AIG1: variants seen among roughly 807,000 people sequenced by gnomAD.
AIG1 encodes androgen induced 1.
A neutral mutation model predicts 31.4 loss-of-function variants in AIG1; 23 were observed. The ratio of observed to expected loss-of-function variants is 0.73; its 90% CI spans 0.53 to 1.04. The LOEUF (loss-of-function observed/expected upper bound fraction) is 1.04. Among genes scored for constraint, AIG1 ranks in the 50% least tolerant of loss-of-function variants. AIG1 has a pLI of 0.00. For synonymous variants in AIG1, 100 were observed against 110.5 expected (o/e 0.90, Z 0.60); for missense variants, 274 against 295.0 (o/e 0.93, Z 0.52).
chr6:143,164,026 C>G (rs990342634), intron 2 of AIG1, among the ~76,000 whole-genome samples: 3 of 152,094 alleles, frequency 2.0e-5, no homozygotes, highest in Non-Finnish European at 4.4e-5. Flanking sequence ...TGCATTCTGG[C>G]CTTTTCTTCC....
At chr6:143,259,381 T>G (rs548752815) in intron 3 of AIG1, among the ~76,000 whole-genome samples, 2 of 152,288 alleles carry the variant, frequency 1.3e-5, no homozygotes, top group East Asian at 1.9e-4. Context: ...TTTCTTCCCC[T>G]TGTCTTCCCT....
At chr6:143,164,833 C>A (rs1786764364) in intron 2 of AIG1, 1 of 354,116 alleles carries the variant, frequency 2.8e-6, no homozygotes, top group African/African-American at 2.1e-5. Flanking sequence ...CCTCTTCTCT[C>A]TCCCTCAGAA....
At chr6:143,140,207 C>T (rs969709210) in intron 2 of AIG1, among the ~76,000 whole-genome samples, 9 of 152,126 alleles carry the variant, frequency 5.9e-5, no homozygotes, top group African/African-American at 1.2e-4. Flanking sequence ...GGGAAAAACT[C>T]GCCCCCATGA....
intron 1 of AIG1, among the ~76,000 whole-genome samples, chr6:143,066,368 G>T (rs1776713058): frequency 1.3e-5 from 2 of 151,946 alleles, no homozygotes; most frequent in South Asian, 4.2e-4. Context: ...CGCCTCCCAG[G>T]TTCAAGAAAT....
chr6:143,283,782 G>T (rs974400785), intron 3 of AIG1, among the ~76,000 whole-genome samples: 1 of 152,138 alleles, frequency 6.6e-6, no homozygotes, highest in Non-Finnish European at 1.5e-5. Context: ...AAAATGGGAC[G>T]TACACCAAAA....
intron 3 of AIG1, among the ~76,000 whole-genome samples, chr6:143,262,267 A>C (rs1390898272): frequency 6.6e-6 from 1 of 152,208 alleles, no homozygotes; most frequent in African/African-American, 2.4e-5. Context: ...AATATTAAAT[A>C]CTTCATGTTG....
rs974538799 is a variant in AIG1 at position 143,331,974 on chromosome 6, T to A, written c.516-1308T>A. Among the ~76,000 whole-genome samples, 1 of 151,696 alleles carries A rather than the reference T, an allele frequency of 6.6e-6. No homozygotes were observed. The highest frequency in any genetic ancestry group is 3.4e-3 in the Middle Eastern group (1 of 294). ...GCAACCTCTGCCTCCCAGGGTCAAGTGATGCTTGTGCCTCAGCCTCCCGAG... is the reference window on the plus strand; with the variant it reads ...GCAACCTCTGCCTCCCAGGGTCAAGAGATGCTTGTGCCTCAGCCTCCCGAG... On this transcript the variant is annotated intron_variant, in intron 4 of 5. Transcript: ENST00000357847. The surrounding 1 kb of genome is among the most constrained non-coding windows in gnomAD (Gnocchi z 4.1).
At chr6:143,125,832 A>G (rs1184910387) in intron 1 of AIG1, among the ~76,000 whole-genome samples, 1 of 152,200 alleles carries the variant, frequency 6.6e-6, no homozygotes, top group Non-Finnish European at 1.5e-5. Context: ...TATGTACATT[A>G]TTTCTGACTG....
At chr6:143,182,457 A>G (rs1788819689) in intron 3 of AIG1, among the ~76,000 whole-genome samples, 1 of 152,160 alleles carries the variant, frequency 6.6e-6, no homozygotes, top group Non-Finnish European at 1.5e-5. Context: ...CACCCCAGGT[A>G]CACTTCTCTT....
At position 143,333,407 on chromosome 6, in the gene AIG1, G is replaced by A. The variant is rs1226766384; in HGVS notation, c.641G>A (p.Gly214Glu). The A allele has an allele frequency of 6.2e-7, 1 of 1,613,488 alleles. No homozygotes were observed. The highest frequency in any genetic ancestry group is 8.5e-7 in the Non-Finnish European group (1 of 1,179,858). ...TILMNFLYLL[G>E]EVLNNYIWDT... ...TTAATGAACTTCCTGTACCTGCTGG[G>A]AGAAGTTCTGAACAACTATATCTGG... is the stretch of plus-strand genomic sequence containing the variant. The change falls in exon 5 of 6, where the codon GGA becomes GAA. Residue 214 changes from glycine (G) to glutamate (E), a missense_variant. Coordinates refer to ENST00000357847, the MANE Select transcript of AIG1 (RefSeq NM_016108.4). This position sits in a 1 kb window ranked among gnomAD's most constrained non-coding sequence, Gnocchi z 4.6.
At position 143,187,794 on chromosome 6, in the gene AIG1, G is replaced by A. The variant is rs1028979790; in HGVS notation, c.399+22611G>A. On this transcript the variant is annotated intron_variant, in intron 3 of 5. Coordinates refer to ENST00000357847, the MANE Select transcript of AIG1 (RefSeq NM_016108.4). ...GGACATTTGGAAATGACCTTGAAGC[G>A]AAGTTTTGCCAAGTTGATGAAATAC... is the stretch of plus-strand genomic sequence containing the variant. The A allele has an allele frequency of 3.3e-5, 49 of 1,502,056 alleles. 1 individual carries two copies. The highest frequency in any genetic ancestry group is 3.8e-5 in the South Asian group (3 of 78,652). The allele number at this position is 1,502,056 out of a possible 1,614,324, so 93.0% of individuals were successfully genotyped here. A position where few individuals can be genotyped will look rare whatever the true frequency, so the allele number is the denominator to read the frequency against.
chr6:143,303,438 A>C (rs1204312700), intron 4 of AIG1, among the ~76,000 whole-genome samples: 3 of 151,814 alleles, frequency 2.0e-5, no homozygotes, highest in East Asian at 3.9e-4. Context: ...TCAGCTTTCT[A>C]CATATGGCTA....
At chr6:143,091,058 C>A (rs1779261150) in intron 1 of AIG1, among the ~76,000 whole-genome samples, 1 of 151,502 alleles carries the variant, frequency 6.6e-6, no homozygotes, top group African/African-American at 2.4e-5. Context: ...GATTCCATTT[C>A]AAGAAAGCAT....
At chr6:143,157,068 T>G (rs1203301296) in intron 2 of AIG1, among the ~76,000 whole-genome samples, 1 of 152,258 alleles carries the variant, frequency 6.6e-6, no homozygotes, top group African/African-American at 2.4e-5. Flanking sequence ...CAGACCTTGC[T>G]TAATTATCTT....
In AIG1 at chr6:143,284,022, T is replaced by A; in HGVS notation, c.400-88T>A. 1.1e-6 allele frequency: 1 copy of A among 886,980 alleles called. No homozygotes were observed. The highest frequency in any genetic ancestry group is 1.7e-5 in the African/African-American group (1 of 59,980). The allele number at this position is 886,980 out of a possible 1,614,324, so 54.9% of individuals were successfully genotyped here. ...TCTGCCTGACACTTTCCTAGGAATT[T>A]ATAGTGTGCATTCTCCTACTGGTGA... On this transcript the variant is annotated intron_variant, in intron 3 of 5. Coordinates refer to ENST00000357847, the MANE Select transcript of AIG1 (RefSeq NM_016108.4). The surrounding 1 kb of genome is among the most constrained non-coding windows in gnomAD (Gnocchi z 4.4).
At chr6:143,285,118 C>G (rs1301948772) in intron 4 of AIG1, among the ~76,000 whole-genome samples, 1 of 151,948 alleles carries the variant, frequency 6.6e-6, no homozygotes, top group Admixed American at 6.5e-5. Context: ...AATCCTAGAG[C>G]TCTTTGGGAG....
At chr6:143,074,536 T>A (rs1777568653) in intron 1 of AIG1, among the ~76,000 whole-genome samples, 1 of 152,216 alleles carries the variant, frequency 6.6e-6, no homozygotes, top group South Asian at 2.1e-4. Context: ...GGTGGCTTTG[T>A]CAAAAATTAG....
At chr6:143,248,460 A>G (rs1033407842) in intron 3 of AIG1, among the ~76,000 whole-genome samples, 3 of 152,326 alleles carry the variant, frequency 2.0e-5, no homozygotes, top group Middle Eastern at 3.4e-3. Flanking sequence ...ACTATGTCTC[A>G]GTTGCTCATC....
intron 1 of AIG1, among the ~76,000 whole-genome samples, chr6:143,122,769 C>G (rs1006302021): frequency 2.0e-5 from 3 of 152,174 alleles, no homozygotes; most frequent in Non-Finnish European, 4.4e-5. Flanking sequence ...ATTTCACTGT[C>G]ATTGAGAACA....
Sources: gnomAD v4.1 joint callset for allele counts (sites outside exome capture counted in the v4.1 genomes callset) on GRCh38, gnomAD v4.1.1 for gene constraint, Gnocchi (gnomAD v3.1) non-coding constraint, MANE v1.5 for transcripts, NCBI Gene and HGNC (gene_info 2026-07-23, HGNC 2026-07-21) for gene names.